Variants in CDC42SE2 observed in about 807,000 individuals in gnomAD.
CDC42SE2 encodes CDC42 small effector protein 2.
CDC42SE2 carries 3 observed loss-of-function variants against 11.5 expected under a neutral mutation model. The ratio of observed to expected loss-of-function variants is 0.26; its 90% CI spans 0.12 to 0.67. The LOEUF is 0.67. Ranked by LOEUF, CDC42SE2 falls within the 30% of genes least tolerant of loss-of-function variation. The pLI is 0.80. For missense variants in CDC42SE2, 82 were observed against 106.8 expected (o/e 0.77, Z 1.02); for synonymous variants, 33 against 34.8 (o/e 0.95, Z 0.18).
chr5:131,389,362 T>A (rs1300539413), intron 4 of CDC42SE2, among the ~76,000 whole-genome samples: 1 of 152,314 alleles, frequency 6.6e-6, no homozygotes, highest in South Asian at 2.1e-4. Flanking sequence ...AAATATAGAT[T>A]TCTTCTTACA....
At chr5:131,338,309 C>T (rs546570809) in intron 2 of CDC42SE2, among the ~76,000 whole-genome samples, 1 of 152,294 alleles carries the variant, frequency 6.6e-6, no homozygotes, top group African/African-American at 2.4e-5. Context: ...GAGTGATAGC[C>T]ATGATGAATG....
intron 2 of CDC42SE2, among the ~76,000 whole-genome samples, chr5:131,342,207 G>A (rs1272016172): frequency 6.7e-6 from 1 of 150,316 alleles, no homozygotes; most frequent in East Asian, 2.0e-4. Flanking sequence ...TTGAACTGGG[G>A]GGGTGGAGGT....
chr5:131,300,849 A>G (rs1371071890), intron 1 of CDC42SE2, among the ~76,000 whole-genome samples: 1 of 152,184 alleles, frequency 6.6e-6, no homozygotes, highest in Non-Finnish European at 1.5e-5. Context: ...GCAAAGAAGG[A>G]TGAATGGTCA....
chr5:131,249,994 A>G (rs990735980), intron 1 of CDC42SE2, among the ~76,000 whole-genome samples: 1 of 152,238 alleles, frequency 6.6e-6, no homozygotes, highest in African/African-American at 2.4e-5. Context: ...TATGAAAATG[A>G]AAGTTGGTTC....
intron 1 of CDC42SE2, among the ~76,000 whole-genome samples, chr5:131,312,766 C>G (rs866320153): frequency 6.6e-6 from 1 of 152,192 alleles, no homozygotes; most frequent in Middle Eastern, 3.2e-3. Flanking sequence ...CCTTGCACTT[C>G]CCGAGTGAGG....
chr5:131,327,656 G>T (rs1318376033), intron 2 of CDC42SE2, among the ~76,000 whole-genome samples: 1 of 152,012 alleles, frequency 6.6e-6, no homozygotes, highest in Non-Finnish European at 1.5e-5. Context: ...ATAATCAAAG[G>T]GTTTTTCATA....
intron 2 of CDC42SE2, among the ~76,000 whole-genome samples, chr5:131,339,013 C>T (rs193531): frequency 0.23 from 35,601 of 151,590 alleles, 4,533 homozygotes; most frequent in East Asian, 0.49. Context: ...TTTGGGAGAC[C>T]GAGGCGGGTG....
At chr5:131,235,485 TC>T in the CDC42SE2 span, among the ~76,000 whole-genome samples, 4 of 151,706 alleles carry the variant, frequency 2.6e-5, no homozygotes, top group African/African-American at 9.7e-5. Flanking sequence ...AGACGGGGTT[TC>T]ACCATGTTGG....
At chr5:131,339,560 A>G (rs1758659324) in intron 2 of CDC42SE2, among the ~76,000 whole-genome samples, 1 of 152,100 alleles carries the variant, frequency 6.6e-6, no homozygotes, top group Admixed American at 6.6e-5. Flanking sequence ...TAATCCCAGG[A>G]CTTTGGGAGG....
At chr5:131,343,589 ATAAT>A (rs1758763944) in intron 2 of CDC42SE2, among the ~76,000 whole-genome samples, 1 of 151,982 alleles carries the variant, frequency 6.6e-6, no homozygotes, top group African/African-American at 2.4e-5. Flanking sequence ...GTGCATGCCT[ATAAT>A]CCTAGCTACT....
At chr5:131,276,558 T>C (rs368697636) in intron 1 of CDC42SE2, among the ~76,000 whole-genome samples, 1 of 152,154 alleles carries the variant, frequency 6.6e-6, no homozygotes, top group South Asian at 2.1e-4. Flanking sequence ...GATAAACCAG[T>C]GTAAACATTT....
intron 4 of CDC42SE2, among the ~76,000 whole-genome samples, chr5:131,388,364 G>C (rs1028675320): frequency 1.3e-5 from 2 of 152,116 alleles, no homozygotes; most frequent in Non-Finnish European, 2.9e-5. Flanking sequence ...GAAAAATTAT[G>C]TTCTCCTATG....
chr5:131,344,922 C>A (rs955010717), intron 2 of CDC42SE2, among the ~76,000 whole-genome samples: 1 of 152,338 alleles, frequency 6.6e-6, no homozygotes, highest in African/African-American at 2.4e-5. Flanking sequence ...TCCAACAGAC[C>A]TGCAGCTGAG....
chr5:131,278,909 C>CTCCT (rs1757172988), intron 1 of CDC42SE2, among the ~76,000 whole-genome samples: 3 of 144,476 alleles, frequency 2.1e-5, no homozygotes, highest in African/African-American at 7.8e-5. Context: ...CTCAGCCTCC[C>CTCCT]GAGTAGGTGA....
chr5:131,333,243 C>G (rs902096031), intron 2 of CDC42SE2, among the ~76,000 whole-genome samples: 9 of 152,098 alleles, frequency 5.9e-5, no homozygotes, highest in African/African-American at 1.2e-4. Flanking sequence ...CCCATTTCTT[C>G]TTTTTGTCAG....
chr5:131,231,147 T>A, the CDC42SE2 span, among the ~76,000 whole-genome samples: 1 of 152,216 alleles, frequency 6.6e-6, no homozygotes. Flanking sequence ...TTGTGTCTTC[T>A]CCCTCCTTTT....
chr5:131,345,255 GA>G (rs1345122907), intron 2 of CDC42SE2, among the ~76,000 whole-genome samples: 2 of 151,976 alleles, frequency 1.3e-5, no homozygotes, highest in African/African-American at 4.8e-5. Context: ...TAAAAACCTT[GA>G]AAAAAGATGA....
At chr5:131,311,358 C>T (rs1002145176) in intron 1 of CDC42SE2, among the ~76,000 whole-genome samples, 1 of 152,080 alleles carries the variant, frequency 6.6e-6, no homozygotes, top group Non-Finnish European at 1.5e-5. Flanking sequence ...CGACTTTTCT[C>T]TCTGGCTGCC....
At chr5:131,319,462 A>T (rs965037008) in intron 2 of CDC42SE2, among the ~76,000 whole-genome samples, 5 of 152,160 alleles carry the variant, frequency 3.3e-5, no homozygotes, top group Non-Finnish European at 5.9e-5. Flanking sequence ...TTGTACCCCC[A>T]TAGACAGAGC....
Sources: gnomAD v4.1 joint callset for allele counts (sites outside exome capture counted in the v4.1 genomes callset) on GRCh38, gnomAD v4.1.1 for gene constraint, MANE v1.5 for transcripts, NCBI Gene and HGNC (gene_info 2026-07-23, HGNC 2026-07-21) for gene names.